The following GABRG3 variants were observed in gnomAD, a reference collection of about 807,000 sequenced individuals.
The protein encoded by GABRG3 is gamma-aminobutyric acid receptor subunit gamma-3.
Under a neutral mutation model 48.8 loss-of-function variants are expected in GABRG3, and 25 were observed. The ratio of observed to expected loss-of-function variants is 0.51; its 90% CI spans 0.37 to 0.72. GABRG3 has a LOEUF of 0.72. Ranked by LOEUF, GABRG3 falls within the 30% of genes least tolerant of loss-of-function variation. GABRG3 has a pLI of 0.00. For missense variants in GABRG3, 394 were observed against 577.9 expected (o/e 0.68, Z 3.26); for synonymous variants, 227 against 217.6 (o/e 1.04, Z -0.38).
intron 6 of GABRG3, among the ~76,000 whole-genome samples, chr15:27,503,097 C>T (rs762029081): frequency 7.0e-4 from 106 of 152,324 alleles, no homozygotes; most frequent in Non-Finnish European, 1.2e-3. Flanking sequence ...CTGAAAGTCC[C>T]AGCCTTCTAA....
rs780059271 is a variant in GABRG3, at chr15:27,179,951, G to T, written c.271-146858G>T. ...TTCATCGCCTCCTAGATGAGGCTGG[G>T]CGTGGCTCTGAAGAGCTGCAGCACT... On this transcript the variant is annotated intron_variant, in intron 3 of 9. Transcript: ENST00000615808. The surrounding 1 kb of genome is among the most constrained non-coding windows in gnomAD (Gnocchi z 4.0). 7.2e-5 allele frequency among the ~76,000 whole-genome samples: 11 copies of T among 152,078 alleles called. No homozygotes were observed. Among genetic ancestry groups the T allele is most frequent in the Non-Finnish European group, 1.5e-4 (10 of 68,020 alleles).
intron 3 of GABRG3, among the ~76,000 whole-genome samples, chr15:27,072,868 A>T (rs781391667): frequency 2.8e-4 from 43 of 152,334 alleles, no homozygotes; most frequent in Admixed American, 5.2e-4. Context: ...TTCCCTGTGG[A>T]GTGGAAAATG....
intron 3 of GABRG3, among the ~76,000 whole-genome samples, chr15:27,291,319 G>C (rs1431469736): frequency 2.0e-5 from 3 of 151,808 alleles, no homozygotes; most frequent in Non-Finnish European, 4.4e-5. Context: ...TGTAACTTTA[G>C]ATATCACTTA....
At chr15:27,087,781 CAT>C (rs1485916543) in intron 3 of GABRG3, among the ~76,000 whole-genome samples, 13 of 146,646 alleles carry the variant, frequency 8.9e-5, no homozygotes, top group African/African-American at 1.5e-4. Flanking sequence ...TATGTAGGCA[CAT>C]GTGTGTATGA....
intron 3 of GABRG3, among the ~76,000 whole-genome samples, chr15:27,258,116 A>G (rs925884627): frequency 1.3e-5 from 2 of 152,110 alleles, no homozygotes; most frequent in Non-Finnish European, 2.9e-5. Flanking sequence ...AGGGGTGGCC[A>G]TGGCCTCACG....
rs1448453166 is a variant in GABRG3 at position 27,534,873 on chromosome 15, G to C, written c.*1992G>C. The C allele has an allele frequency of 6.6e-6, 1 of 152,138 alleles. No individual in the cohort carries two copies. The highest frequency in any genetic ancestry group is 1.5e-5 in the Non-Finnish European group (1 of 68,024). The allele number at this position is 152,138 out of a possible 1,614,324, so 9.4% of individuals were successfully genotyped here. A position where few individuals can be genotyped will look rare whatever the true frequency, so the allele number is the denominator to read the frequency against. ...TTGTTTCTCTCCCTGTCAACTCTCT[G>C]TCTTTTGGTTTGGTAGTTGCTACAT... On this transcript the variant is annotated 3_prime_UTR_variant, in exon 10 of 10. Coordinates refer to ENST00000615808, the MANE Select transcript of GABRG3 (RefSeq NM_033223.5).
chr15:27,107,780 T>G (rs1372756401), intron 3 of GABRG3, among the ~76,000 whole-genome samples: 1 of 151,970 alleles, frequency 6.6e-6, no homozygotes, highest in African/African-American at 2.4e-5. Flanking sequence ...GTAGTTTGTG[T>G]CTTTAAAAGA....
rs1007667429 is a variant in GABRG3, at chr15:26,975,670, A to G, written c.54-1332A>G. 6.6e-6 allele frequency among the ~76,000 whole-genome samples: 1 copy of G among 152,212 alleles called. No homozygotes were observed. The highest frequency in any genetic ancestry group is 1.5e-5 in the Non-Finnish European group (1 of 68,044). ...ATATGAAATTTTATTTTTTAAATTAACATCTTGTTAATTATAGATAATTTA... is the reference window on the plus strand; with the variant it reads ...ATATGAAATTTTATTTTTTAAATTAGCATCTTGTTAATTATAGATAATTTA... On this transcript the variant is annotated intron_variant, in intron 1 of 9. Coordinates refer to ENST00000615808, the MANE Select transcript of GABRG3 (RefSeq NM_033223.5). This position sits in a 1 kb window ranked among gnomAD's most constrained non-coding sequence, Gnocchi z 4.6.
At chr15:27,275,684 G>T (rs139391871) in intron 3 of GABRG3, among the ~76,000 whole-genome samples, 1 of 152,310 alleles carries the variant, frequency 6.6e-6, no homozygotes, top group East Asian at 1.9e-4. Context: ...GTATCTTCTT[G>T]TTAAGAACAG....
chr15:27,323,879 T>A (rs987778354), intron 3 of GABRG3, among the ~76,000 whole-genome samples: 4 of 152,160 alleles, frequency 2.6e-5, no homozygotes, highest in Non-Finnish European at 5.9e-5. Context: ...AGAGCTCTGC[T>A]CCACACAGTC....
At chr15:27,014,255 G>A (rs141741355) in intron 2 of GABRG3, among the ~76,000 whole-genome samples, 13 of 151,136 alleles carry the variant, frequency 8.6e-5, no homozygotes, top group African/African-American at 2.9e-4. Context: ...TCAGCTCTTG[G>A]TTTTGTTGAT....
At chr15:27,417,359 G>A (rs1887970195) in intron 5 of GABRG3, among the ~76,000 whole-genome samples, 1 of 152,124 alleles carries the variant, frequency 6.6e-6, no homozygotes, top group Non-Finnish European at 1.5e-5. Flanking sequence ...ACAGTATCTG[G>A]CCTATGTATT....
At position 27,248,803 on chromosome 15, in the gene GABRG3, CAGAGAGAG is replaced by C. The variant is rs1170812736; in HGVS notation, c.271-77980_271-77973del. Among the ~76,000 whole-genome samples the C allele has an allele frequency of 2.0e-4, 22 of 110,236 alleles. No homozygotes were observed. The East Asian group carries it at 2.5e-3, about 12-fold the overall frequency. 72.3% of individuals were successfully genotyped at this position (110,236 alleles called of 152,430 possible). A position where few individuals can be genotyped will look rare whatever the true frequency, so the allele number is the denominator to read the frequency against. On this transcript the variant is annotated intron_variant, in intron 3 of 9. Coordinates refer to ENST00000615808, the MANE Select transcript of GABRG3 (RefSeq NM_033223.5). ...ACACACACACACACACACACACACACAGAGAGAGAGAGAGAGAGAGAGAGAGAGAGAGA... is the reference window on the plus strand; with the variant it reads ...ACACACACACACACACACACACACACAGAGAGAGAGAGAGAGAGAGAGAGA...
intron 5 of GABRG3, among the ~76,000 whole-genome samples, chr15:27,369,430 T>A (rs1303521356): frequency 6.6e-6 from 1 of 152,240 alleles, no homozygotes; most frequent in Non-Finnish European, 1.5e-5. Context: ...TAGACAGTTC[T>A]GCTTCAACCT....
chr15:27,453,593 C>A (rs1483104224), intron 5 of GABRG3, among the ~76,000 whole-genome samples: 2 of 152,014 alleles, frequency 1.3e-5, no homozygotes, highest in Non-Finnish European at 2.9e-5. Flanking sequence ...AGACTTTATT[C>A]TTTTCTTGTT....
intron 6 of GABRG3, among the ~76,000 whole-genome samples, chr15:27,495,578 C>T (rs1216290449): frequency 4.6e-5 from 7 of 152,182 alleles, no homozygotes; most frequent in African/African-American, 1.2e-4. Flanking sequence ...TTGTATAATT[C>T]TTTCCACTGA....
In GABRG3 at chr15:27,199,887, C is replaced by G. The variant is rs555835882; in HGVS notation, c.271-126922C>G. On this transcript the variant is annotated intron_variant, in intron 3 of 9. Transcript: ENST00000615808. ...TCTTTTTTTTTCTTTCTTCCTCCCT[C>G]CCTGCTTCCTTCCTTCCCTCTTTCC... Among the ~76,000 whole-genome samples the G allele has an allele frequency of 1.1e-4, 16 of 151,392 alleles. 1 individual carries two copies. The South Asian group carries it at 3.1e-3, about 30-fold the overall frequency.
chr15:27,519,879 G>C, intron 6 of GABRG3, 93 bp from the exon 7 acceptor site: 1 of 881,380 alleles, frequency 1.1e-6, no homozygotes, highest in Non-Finnish European at 1.7e-6. Flanking sequence ...TTTTATCCAA[G>C]TCATTCACTT....
At chr15:27,307,360 T>TA (rs1892626217) in intron 3 of GABRG3, among the ~76,000 whole-genome samples, 11 of 115,214 alleles carry the variant, frequency 9.5e-5, no homozygotes, top group African/African-American at 2.8e-4. Flanking sequence ...TGTTTATATA[T>TA]AACCATATAG....
Sources: allele counts gnomAD v4.1 joint callset (sites outside exome capture counted in the v4.1 genomes callset), GRCh38; gene constraint gnomAD v4.1.1; non-coding constraint Gnocchi (gnomAD v3.1); transcripts MANE v1.5; gene names NCBI Gene and HGNC (gene_info 2026-07-23, HGNC 2026-07-21).